Variants in RTP5 observed in about 807,000 individuals in gnomAD.
RTP5 encodes the protein receptor-transporting protein 5.
RTP5 carries 30 observed loss-of-function variants against 23.5 expected under a neutral mutation model. The ratio of observed to expected loss-of-function variants is 1.27; its 90% CI spans 0.95 to 1.73. The LOEUF (loss-of-function observed/expected upper bound fraction) is 1.73, where lower values mean the gene tolerates loss of function less well. RTP5 is among the 40% of genes most tolerant of loss of function. RTP5 has a pLI of 0.00. For missense variants in RTP5, 807 were observed against 784.2 expected, an observed-to-expected ratio of 1.03 and a Z score of -0.35; for synonymous variants, 354 against 342.1, an observed-to-expected ratio of 1.03 and a Z score of -0.38.
rs1435877480 is a variant in RTP5, at chr2:241,871,756, T to C, written c.201T>C (p.His67=). ...GHCPGTWDSA[H]VHVLFHLWWD... is the part of the protein sequence containing the mutation. ...GTCCGGGGACCTGGGACTCGGCCCATGTGCACGTCCTCTTCCACCTGTGGT... is the reference window on the plus strand; with the variant it reads ...GTCCGGGGACCTGGGACTCGGCCCACGTGCACGTCCTCTTCCACCTGTGGT... Residue 67 remains histidine (H), a synonymous_variant, in exon 2 of 2, where the codon CAT becomes CAC. Coordinates refer to ENST00000343216, the MANE Select transcript of RTP5 (RefSeq NM_173821.3). The C allele has an allele frequency of 6.2e-7, 1 of 1,601,712 alleles. No individual in the cohort carries two copies. The highest frequency in any genetic ancestry group is 8.5e-7 in the Non-Finnish European group (1 of 1,175,110).
At position 241,869,866 on chromosome 2, in the gene RTP5, G is replaced by A; in HGVS notation, c.110G>A (p.Gly37Glu). 6.3e-7 allele frequency: 1 copy of A among 1,588,652 alleles called. No homozygotes were observed. The highest frequency in any genetic ancestry group is 1.1e-5 in the South Asian group (1 of 87,752). Residue 37 changes from glycine to glutamate, a missense_variant, in exon 1 of 2, where the codon GGA (glycine) becomes GAA (glutamate). Coordinates refer to ENST00000343216, the MANE Select transcript of RTP5 (RefSeq NM_173821.3). Reference protein sequence around the residue: ...VLLPEHSLVPGCLDGGGVQYL... With the variant: ...VLLPEHSLVPECLDGGGVQYL... ...CTACCTGAGCACAGCCTGGTCCCGG[G>A]ATGCCTGGACGGCGGTGGTGTCCAG...
chr2:241,869,907 C>T lies in RTP5; in HGVS notation c.151C>T (p.Leu51Phe). The change falls in exon 1 of 2, where the codon CTC becomes TTC. Residue 51 changes from leucine (L) to phenylalanine (F), a missense_variant. Physicochemically the swap from Leu to Phe is conservative, Grantham distance 22. Coordinates refer to ENST00000343216, the MANE Select transcript of RTP5 (RefSeq NM_173821.3). ...TGGTGTCCAGTACCTGCTGGTGGGG[C>T]TCTCGAGGTGCGGCCAGAGGTTGGG... is the stretch of plus-strand genomic sequence containing the variant. Reference protein sequence around the residue: ...GGGVQYLLVGLSRLQCGHCPG... With the variant: ...GGGVQYLLVGFSRLQCGHCPG... The T allele has an allele frequency of 6.5e-7, 1 of 1,535,846 alleles. No individual in the cohort carries two copies.
Position 241,873,317 on chromosome 2 carries a change from C to G in RTP5, c.*43C>G. The G allele has an allele frequency of 6.5e-7, 1 of 1,531,542 alleles. No homozygotes were observed. Among genetic ancestry groups the G allele is most frequent in the South Asian group, 1.2e-5 (1 of 80,506 alleles). The allele number at this position is 1,531,542 out of a possible 1,614,324, so 94.9% of individuals were successfully genotyped here. ...AACCCTCGCCTCTGGGACCCCGCCT[C>G]GCCTCTGAGACACCCCCCAACCCCG... is the stretch of plus-strand genomic sequence containing the variant. On this transcript the variant is annotated 3_prime_UTR_variant, in exon 2 of 2. Coordinates refer to ENST00000343216, the MANE Select transcript of RTP5 (RefSeq NM_173821.3).
In RTP5 at chr2:241,872,925, T is replaced by C; in HGVS notation, c.1370T>C (p.Leu457Pro). Residue 457 changes from leucine to proline, a missense_variant, in exon 2 of 2, where the codon CTG (leucine) becomes CCG (proline). Transcript: ENST00000343216. ...GLVTAGHDAP[L>P]EANAEGPITV... ...GTCACCGCGGGTCACGACGCCCCTC[T>C]GGAGGCCAATGCCGAGGGCCCCATC... 1 of 1,613,016 alleles carries C rather than the reference T, an allele frequency of 6.2e-7. No homozygotes were observed. The highest frequency in any genetic ancestry group is 8.5e-7 in the Non-Finnish European group (1 of 1,179,982).
chr2:241,871,056 G>A, intron 1 of RTP5: 1 of 470,908 alleles, frequency 2.1e-6, no homozygotes, highest in Non-Finnish European at 4.4e-6. Flanking sequence ...GACCGCCATG[G>A]ACAAGCCAAT....
At position 241,873,011 on chromosome 2, in the gene RTP5, G is replaced by A; in HGVS notation, c.1456G>A (p.Gly486Ser). The A allele has an allele frequency of 6.2e-7, 1 of 1,613,150 alleles. No homozygotes were observed. Among genetic ancestry groups the A allele is most frequent in the Non-Finnish European group, 8.5e-7 (1 of 1,179,962 alleles). ...FAVFDVIKRK[G>S]GGHVAYGPQG... The stretch of plus-strand genomic sequence containing the variant: ...AGTCTTCGATGTCATAAAGCGCAAG[G>A]GCGGTGGCCACGTTGCCTACGGCCC... The change falls in exon 2 of 2, where the codon GGC becomes AGC. Residue 486 changes from glycine (G) to serine (S), a missense_variant. Physicochemically the swap from Gly to Ser is moderately conservative, Grantham distance 56. Transcript: ENST00000343216.
chr2:241,873,129 A>G lies in RTP5; in HGVS notation c.1574A>G (p.Glu525Gly). The change falls in exon 2 of 2, where the codon GAA (glutamate) becomes GGA (glycine). Residue 525 changes from glutamate (E) to glycine (G), a missense_variant. Coordinates refer to ENST00000343216, the MANE Select transcript of RTP5 (RefSeq NM_173821.3). ...HKARCGCRRE[E>G]DERPGRACRR... ...GCCCGCTGTGGGTGCCGCCGGGAGGAAGACGAGCGCCCTGGCCGTGCCTGC... is the reference window on the plus strand; with the variant it reads ...GCCCGCTGTGGGTGCCGCCGGGAGGGAGACGAGCGCCCTGGCCGTGCCTGC... The G allele has an allele frequency of 1.2e-6, 2 of 1,612,272 alleles. No individual in the cohort carries two copies. The highest frequency in any genetic ancestry group is 3.3e-4 in the Middle Eastern group (2 of 6,060).
In RTP5 at chr2:241,871,639, C is replaced by T. The variant is rs1050504457; in HGVS notation, c.159-75C>T. ...GCTGGGGTCGGATGGGCAAGGAGGCCGCAGAGCAGAGTGCGAGGGCTGGGC... is the reference window on the plus strand; with the variant it reads ...GCTGGGGTCGGATGGGCAAGGAGGCTGCAGAGCAGAGTGCGAGGGCTGGGC... On this transcript the variant is annotated intron_variant, in intron 1 of 1. Transcript: ENST00000343216. The T allele has an allele frequency of 1.4e-5, 20 of 1,475,748 alleles. No homozygotes were observed. The South Asian group carries it at 1.4e-4, about 10-fold the overall frequency. 91.4% of individuals were successfully genotyped at this position (1,475,748 alleles called of 1,614,324 possible). A position where few individuals can be genotyped will look rare whatever the true frequency, so the allele number is the denominator to read the frequency against.
intron 1 of RTP5, among the ~76,000 whole-genome samples, chr2:241,870,376 G>A (rs998606714): frequency 2.0e-5 from 3 of 152,248 alleles, no homozygotes; most frequent in Non-Finnish European, 4.4e-5. Context: ...CTCACAGGCC[G>A]TCATCACGGT....
rs759613968 is a variant in RTP5, at chr2:241,869,810, C to T, written c.54C>T (p.Ala18=). 1.1e-5 allele frequency: 17 copies of T among 1,555,294 alleles called. No homozygotes were observed. Among genetic ancestry groups the T allele is most frequent in the Admixed American group, 5.8e-5 (3 of 51,790 alleles). ...MWASTFTLAM[A]ERKPQDVWVL... ...CCAGCACCTTCACCCTGGCCATGGCCGAGAGGAAGCCCCAGGACGTCTGGG... is the reference window on the plus strand; with the variant it reads ...CCAGCACCTTCACCCTGGCCATGGCTGAGAGGAAGCCCCAGGACGTCTGGG... Residue 18 remains alanine, a synonymous_variant, in exon 1 of 2, where the codon GCC becomes GCT. Transcript: ENST00000343216.
At chr2:241,871,037 C>T (rs954858853) in intron 1 of RTP5, 20 of 471,030 alleles carry the variant, frequency 4.2e-5, no homozygotes, top group East Asian at 2.1e-4. Flanking sequence ...AAATGGTCAC[C>T]GGTCTGATGA....
rs1701280973 is a variant in RTP5 at position 241,869,790 on chromosome 2, A to G, written c.34A>G (p.Thr12Ala). 2 of 1,542,598 alleles carry G rather than the reference A, an allele frequency of 1.3e-6. No individual in the cohort carries two copies. The highest frequency in any genetic ancestry group is 8.7e-7 in the Non-Finnish European group (1 of 1,145,606). The change falls in exon 1 of 2, where the codon ACC becomes GCC. Residue 12 changes from threonine (T) to alanine (A), a missense_variant. By Grantham distance (58) the Thr-to-Ala change is moderately conservative (BLOSUM62 0). Coordinates refer to ENST00000343216, the MANE Select transcript of RTP5 (RefSeq NM_173821.3). ...GGCTGGGGCAGACATGTGGGCCAGC[A>G]CCTTCACCCTGGCCATGGCCGAGAG... ...DRAGADMWAS[T>A]FTLAMAERKP... is the part of the protein sequence containing the mutation.
intron 1 of RTP5, among the ~76,000 whole-genome samples, chr2:241,870,214 C>T (rs1180495957): frequency 6.6e-6 from 1 of 152,246 alleles, no homozygotes; most frequent in Non-Finnish European, 1.5e-5. Flanking sequence ...CTCCTGCTTC[C>T]ATGGCACTGC....
At position 241,873,170 on chromosome 2, in the gene RTP5, G is replaced by T. The variant is rs368037857; in HGVS notation, c.1615G>T (p.Glu539Ter). Residue 539 changes from glutamate (E) to a stop codon, truncating the protein, a stop_gained, in exon 2 of 2, where the codon GAG becomes TAG. Coordinates refer to ENST00000343216, the MANE Select transcript of RTP5 (RefSeq NM_173821.3). LOFTEE classifies it high-confidence loss of function. ...CCGTGCCTGCCGTAGGCCGCACGCC[G>T]AGCCCTACGAGGACTTCTGGATCTG... ...PGRACRRPHAEPYEDFWIWVS... is the reference protein window; with the variant it reads ...PGRACRRPHA The T allele has an allele frequency of 1.6e-5, 26 of 1,611,450 alleles. No individual in the cohort carries two copies. The African/African-American group carries it at 2.9e-4, about 18-fold the overall frequency.
In RTP5 at chr2:241,872,931, C is replaced by A; in HGVS notation, c.1376C>A (p.Ala459Asp). 1 of 1,613,034 alleles carries A rather than the reference C, an allele frequency of 6.2e-7. No homozygotes were observed. The highest frequency in any genetic ancestry group is 2.2e-5 in the East Asian group (1 of 44,878). ...GCGGGTCACGACGCCCCTCTGGAGG[C>A]CAATGCCGAGGGCCCCATCACGGTT... ...VTAGHDAPLE[A>D]NAEGPITVSE... Residue 459 changes from alanine (A) to aspartate (D), a missense_variant, in exon 2 of 2, where the codon GCC becomes GAC. Physicochemically the swap from Ala to Asp is moderately radical, Grantham distance 126 (BLOSUM62 -2). Transcript: ENST00000343216.
Position 241,869,809 on chromosome 2 carries a change from C to A in RTP5, c.53C>A (p.Ala18Asp). 1 of 1,553,926 alleles carries A rather than the reference C, an allele frequency of 6.4e-7. No individual in the cohort carries two copies. Among genetic ancestry groups the A allele is most frequent in the Non-Finnish European group, 8.7e-7 (1 of 1,151,200 alleles). ...GCCAGCACCTTCACCCTGGCCATGGCCGAGAGGAAGCCCCAGGACGTCTGG... is the reference window on the plus strand; with the variant it reads ...GCCAGCACCTTCACCCTGGCCATGGACGAGAGGAAGCCCCAGGACGTCTGG... ...MWASTFTLAM[A>D]ERKPQDVWVL... Residue 18 changes from alanine to aspartate, a missense_variant, in exon 1 of 2, where the codon GCC becomes GAC. Coordinates refer to ENST00000343216, the MANE Select transcript of RTP5 (RefSeq NM_173821.3).
At position 241,872,445 on chromosome 2, in the gene RTP5, G is replaced by A. The variant is rs767949434; in HGVS notation, c.890G>A (p.Cys297Tyr). 1.9e-6 allele frequency: 3 copies of A among 1,607,338 alleles called. No individual in the cohort carries two copies. The South Asian group carries it at 3.3e-5, about 18-fold the overall frequency. The change falls in exon 2 of 2, where the codon TGC becomes TAC. Residue 297 changes from cysteine to tyrosine, a missense_variant. Transcript: ENST00000343216. ...GFLFKGRGSL[C>Y]SPVGVAQGWG... ...CTCTTCAAAGGCCGGGGCTCCCTCTGCAGCCCGGTTGGCGTGGCCCAGGGC... is the reference window on the plus strand; with the variant it reads ...CTCTTCAAAGGCCGGGGCTCCCTCTACAGCCCGGTTGGCGTGGCCCAGGGC...
In RTP5 at chr2:241,873,207, C is replaced by G; in HGVS notation, c.1652C>G (p.Thr551Ser). ...YEDFWIWVSM[T>S]VCVFWLMCMC... ...GACTTCTGGATCTGGGTGTCCATGACCGTGTGCGTCTTCTGGCTGATGTGC... is the reference window on the plus strand; with the variant it reads ...GACTTCTGGATCTGGGTGTCCATGAGCGTGTGCGTCTTCTGGCTGATGTGC... The change falls in exon 2 of 2, where the codon ACC becomes AGC. Residue 551 changes from threonine (T) to serine (S), a missense_variant. Transcript: ENST00000343216. The G allele has an allele frequency of 6.2e-7, 1 of 1,607,768 alleles. No homozygotes were observed. The highest frequency in any genetic ancestry group is 8.5e-7 in the Non-Finnish European group (1 of 1,179,308).
rs761346755 is a variant in RTP5 at position 241,873,046 on chromosome 2, T to A, written c.1491T>A (p.Asn497Lys). 4.3e-6 allele frequency: 7 copies of A among 1,613,016 alleles called. No individual in the cohort carries two copies. In the South Asian group the frequency reaches 7.7e-5, roughly 18 times the overall value. The change falls in exon 2 of 2, where the codon AAT becomes AAA. Residue 497 changes from asparagine to lysine, a missense_variant. Coordinates refer to ENST00000343216, the MANE Select transcript of RTP5 (RefSeq NM_173821.3). ...GGHVAYGPQG[N>K]GCFSQGYYQK... is the part of the protein sequence containing the mutation. ...ACGTTGCCTACGGCCCCCAGGGCAA[T>A]GGCTGCTTCTCCCAAGGCTATTACC...
Sources: allele counts gnomAD v4.1 joint callset (sites outside exome capture counted in the v4.1 genomes callset), GRCh38; gene constraint gnomAD v4.1.1; transcripts MANE v1.5; gene names NCBI Gene and HGNC (gene_info 2026-07-23, HGNC 2026-07-21).